The following PPP6R3 variants were observed in gnomAD, a reference collection of about 807,000 sequenced individuals.
PPP6R3 encodes serine/threonine-protein phosphatase 6 regulatory subunit 3.
In PPP6R3, 38 loss-of-function variants were observed where a neutral mutation model predicts 110.7. The observed-to-expected ratio is 0.34, with a 90% confidence interval of 0.26 to 0.45. The LOEUF is 0.45. Among genes scored for constraint, PPP6R3 ranks in the 20% least tolerant of loss-of-function variants. PPP6R3 has a pLI of 1.00. For synonymous variants in PPP6R3, 369 were observed against 373.5 expected (o/e 0.99, Z 0.14); for missense variants, 870 against 1,062.4 (o/e 0.82, Z 2.52).
At chr11:68,555,189 T>C (rs1031793316) in intron 7 of PPP6R3, among the ~76,000 whole-genome samples, 5 of 152,222 alleles carry the variant, frequency 3.3e-5, no homozygotes, top group Non-Finnish European at 7.3e-5. Context: ...TGCCGGCTTC[T>C]GAGTAAAATG....
intron 1 of PPP6R3, among the ~76,000 whole-genome samples, chr11:68,475,566 G>A (rs1348002146): frequency 1.8e-4 from 27 of 149,968 alleles, no homozygotes; most frequent in Middle Eastern, 3.4e-3. Context: ...CCTCCCGGAC[G>A]GGGCGGCTGG....
chr11:68,500,529 G>A (rs544132787), intron 1 of PPP6R3, among the ~76,000 whole-genome samples: 2 of 152,326 alleles, frequency 1.3e-5, no homozygotes, highest in Admixed American at 6.5e-5. Context: ...CCAAGCCGGA[G>A]TGCAGTGGTG....
chr11:68,615,094 T>C lies in PPP6R3; in HGVS notation c.*1977T>C, dbSNP rs1465964301. 2 of 465,790 alleles carry C rather than the reference T, an allele frequency of 4.3e-6. No homozygotes were observed. The highest frequency in any genetic ancestry group is 8.6e-6 in the Non-Finnish European group (2 of 233,424). 28.9% of individuals were successfully genotyped at this position (465,790 alleles called of 1,614,324 possible). On this transcript the variant is annotated 3_prime_UTR_variant, in exon 24 of 24. Transcript: ENST00000393800. ...GCTGGGAGAGAGCCTCTGGGACTTT[T>C]CTTTGGGGCATCATTTTGTTTTGTC...
intron 22 of PPP6R3, among the ~76,000 whole-genome samples, chr11:68,605,504 C>G: frequency 6.6e-6 from 1 of 152,130 alleles, no homozygotes; most frequent in East Asian, 1.9e-4. Context: ...GATATTTTGT[C>G]TCAACATAAA....
intron 22 of PPP6R3, among the ~76,000 whole-genome samples, chr11:68,607,653 A>G (rs1247529953): frequency 6.6e-6 from 1 of 152,246 alleles, no homozygotes; most frequent in Non-Finnish European, 1.5e-5. Flanking sequence ...AAAGAAATAC[A>G]GAATGTCTTT....
chr11:68,526,968 AATG>A (rs2099202292), intron 2 of PPP6R3, among the ~76,000 whole-genome samples: 1 of 152,206 alleles, frequency 6.6e-6, no homozygotes, highest in Admixed American at 6.5e-5. Context: ...AAGTGAAGTG[AATG>A]ATAAGGTTGT....
chr11:68,522,502 C>T lies in PPP6R3; in HGVS notation c.-7+2851C>T, dbSNP rs534531763. 31 of 152,330 alleles carry T rather than the reference C, an allele frequency of 2.0e-4. No individual in the cohort carries two copies. In the East Asian group the frequency reaches 5.8e-3, roughly 28 times the overall value. 9.4% of individuals were successfully genotyped at this position (152,330 alleles called of 1,614,324 possible). On this transcript the variant is annotated intron_variant, in intron 2 of 23. Coordinates refer to ENST00000393800, the MANE Select transcript of PPP6R3 (RefSeq NM_001164161.2). ...CTGTTCTTCTTGTTCAGAAAAATTT[C>T]GTTCTTTGCCCTGTGCTCAGAAGAT...
chr11:68,553,083 C>G (rs1421735210), intron 6 of PPP6R3, among the ~76,000 whole-genome samples: 2 of 152,266 alleles, frequency 1.3e-5, no homozygotes, highest in South Asian at 2.1e-4. Context: ...ATATCCTAAT[C>G]TGTGCTCTCC....
intron 14 of PPP6R3, 27 bp from the exon 15 acceptor site, chr11:68,583,016 T>C (rs560920158): frequency 7.1e-7 from 1 of 1,400,202 alleles, no homozygotes; most frequent in East Asian, 2.6e-5. Flanking sequence ...CTATGTTAAA[T>C]AGTCTTTTAC....
chr11:68,595,284 C>T (rs2153896948), intron 18 of PPP6R3, among the ~76,000 whole-genome samples: 1 of 132,682 alleles, frequency 7.5e-6, no homozygotes, highest in South Asian at 2.6e-4. Context: ...GGCGTGATCT[C>T]AGCTCACTGC....
intron 8 of PPP6R3, among the ~76,000 whole-genome samples, chr11:68,559,922 G>A (rs112919938): frequency 1.9e-5 from 2 of 106,262 alleles, no homozygotes; most frequent in Non-Finnish European, 3.8e-5. Context: ...GCGGTACGGT[G>A]CCCTCTTCTC....
intron 2 of PPP6R3, among the ~76,000 whole-genome samples, chr11:68,528,269 T>A (rs1272798400): frequency 6.6e-6 from 1 of 152,146 alleles, no homozygotes; most frequent in East Asian, 1.9e-4. Flanking sequence ...TGGAAAAGAT[T>A]CTGGAATACC....
Position 68,613,552 on chromosome 11 carries a change from A to C in PPP6R3, c.*435A>C. ...TACATTTTTCACCTTGTACAAAATT[A>C]TGAATTCATTTTTCCTCCAGGCCGA... On this transcript the variant is annotated 3_prime_UTR_variant, in exon 24 of 24. Transcript: ENST00000393800. The C allele has an allele frequency of 1.0e-6, 1 of 986,496 alleles. No individual in the cohort carries two copies. The highest frequency in any genetic ancestry group is 1.2e-6 in the Non-Finnish European group (1 of 830,416). 61.1% of individuals were successfully genotyped at this position (986,496 alleles called of 1,614,324 possible). A position where few individuals can be genotyped will look rare whatever the true frequency, so the allele number is the denominator to read the frequency against.
intron 11 of PPP6R3, among the ~76,000 whole-genome samples, chr11:68,570,693 G>A (rs182211308): frequency 2.2e-4 from 34 of 152,218 alleles, no homozygotes; most frequent in African/African-American, 8.2e-4. Flanking sequence ...CCAAGGCATA[G>A]TTTTCTTTAT....
intron 4 of PPP6R3, among the ~76,000 whole-genome samples, chr11:68,545,918 A>G (rs745348912): frequency 6.6e-5 from 10 of 152,244 alleles, no homozygotes; most frequent in South Asian, 4.1e-4. Flanking sequence ...AATTGCAAGT[A>G]TAGGTGTGAT....
At position 68,609,885 on chromosome 11, in the gene PPP6R3, G is replaced by A. The variant is rs1942486640; in HGVS notation, c.2451-19G>A. On this transcript the variant is annotated intron_variant, in intron 22 of 23. Coordinates refer to ENST00000393800, the MANE Select transcript of PPP6R3 (RefSeq NM_001164161.2). ...GGTCCCTAGGGTGTTTGATGTGCCT[G>A]TCATCCTCTTTACTGCAGTGAGGAA... 1 of 1,613,590 alleles carries A rather than the reference G, an allele frequency of 6.2e-7. No individual in the cohort carries two copies. Among genetic ancestry groups the A allele is most frequent in the African/African-American group, 1.3e-5 (1 of 74,904 alleles).
intron 4 of PPP6R3, among the ~76,000 whole-genome samples, chr11:68,546,404 C>T (rs931227597): frequency 6.6e-6 from 1 of 152,102 alleles, no homozygotes; most frequent in East Asian, 1.9e-4. Flanking sequence ...TGGCGAGCCC[C>T]GATTTTCAGT....
chr11:68,489,253 T>C (rs1397542763), intron 1 of PPP6R3, among the ~76,000 whole-genome samples: 1 of 152,098 alleles, frequency 6.6e-6, no homozygotes, highest in African/African-American at 2.4e-5. Context: ...TCTCCTGACC[T>C]CATGATCCGC....
At chr11:68,578,773 T>A (rs1476418281) in intron 14 of PPP6R3, among the ~76,000 whole-genome samples, 1 of 152,228 alleles carries the variant, frequency 6.6e-6, no homozygotes, top group Non-Finnish European at 1.5e-5. Flanking sequence ...TGCTTTAATC[T>A]TTTGGCTCCA....
Sources: allele counts gnomAD v4.1 joint callset (sites outside exome capture counted in the v4.1 genomes callset), GRCh38; gene constraint gnomAD v4.1.1; transcripts MANE v1.5; gene names NCBI Gene and HGNC (gene_info 2026-07-23, HGNC 2026-07-21).